Variants in GRK1 observed in about 807,000 individuals in gnomAD.
GRK1 encodes rhodopsin kinase GRK1.
In GRK1, 28 loss-of-function variants were observed where a neutral mutation model predicts 41.7. The observed-to-expected ratio is 0.67, with a 90% CI of 0.50 to 0.92. The LOEUF (loss-of-function observed/expected upper bound fraction) is 0.92. Among genes scored for constraint, GRK1 ranks in the 40% least tolerant of loss-of-function variants. The pLI is 0.00. For synonymous variants in GRK1, 327 were observed against 286.7 expected (o/e 1.14, Z -1.42); for missense variants, 703 against 671.2 (o/e 1.05, Z -0.52).
the GRK1 span, among the ~76,000 whole-genome samples, chr13:113,656,622 A>G: frequency 6.6e-6 from 1 of 152,048 alleles, no homozygotes; most frequent in African/African-American, 2.4e-5. Flanking sequence ...GGTGCAGCTC[A>G]CTCTGCCTCT....
the GRK1 span, chr13:113,650,360 G>A: frequency 3.9e-6 from 6 of 1,549,514 alleles, no homozygotes; most frequent in African/African-American, 1.4e-5. This position sits in a 1 kb window ranked among gnomAD's most constrained non-coding sequence, Gnocchi z 5.0. Context: ...AAGTGTGAGA[G>A]GACTCAGCAG....
chr13:113,655,067 TC>T, the GRK1 span: 1 of 1,335,272 alleles, frequency 7.5e-7, no homozygotes. Context: ...AACATTCTCC[TC>T]CCCCAAAACA....
rs754001408 is a variant in GRK1, at chr13:113,671,456, C to T, written c.828-43C>T. The T allele has an allele frequency of 2.6e-6, 2 of 775,202 alleles. No individual in the cohort carries two copies. Among genetic ancestry groups the T allele is most frequent in the South Asian group, 1.3e-5 (1 of 74,516 alleles). The allele number at this position is 775,202 out of a possible 1,614,324, so 48.0% of individuals were successfully genotyped here. On this transcript the variant is annotated intron_variant, in intron 2 of 6. Transcript: ENST00000335678. This position sits in a 1 kb window ranked among gnomAD's most constrained non-coding sequence, Gnocchi z 4.1. The stretch of plus-strand genomic sequence containing the variant: ...CTCTGTCTTTCCATGATTTTACTCC[C>T]CATTAAACCCGGGGTGCATGGTTCC...
At chr13:113,733,975 T>TGC (rs750777200) in intron 6 of GRK1, among the ~76,000 whole-genome samples, 3 of 117,296 alleles carry the variant, frequency 2.6e-5, no homozygotes, top group Admixed American at 8.3e-5. Context: ...TGTGCGTGTG[T>TGC]GCGCATGTGT....
chr13:113,671,577 C>T lies in GRK1; in HGVS notation c.906C>T (p.Ile302=). The change falls in exon 3 of 7, where the codon ATC becomes ATT. Residue 302 remains isoleucine (I), a synonymous_variant. Coordinates refer to ENST00000335678, the MANE Select transcript of GRK1 (RefSeq NM_002929.3). The surrounding 1 kb of genome is among the most constrained non-coding windows in gnomAD (Gnocchi z 4.1). ...CCCTCTTCTACACGGCGCAGATCAT[C>T]TGCGGCCTGGAGCACCTGCACCAGA... ...PRALFYTAQI[I]CGLEHLHQRR... 1 of 776,774 alleles carries T rather than the reference C, an allele frequency of 1.3e-6. No homozygotes were observed. Among genetic ancestry groups the T allele is most frequent in the Non-Finnish European group, 2.4e-6 (1 of 417,948 alleles). The allele number at this position is 776,774 out of a possible 1,614,324, so 48.1% of individuals were successfully genotyped here. A position where few individuals can be genotyped will look rare whatever the true frequency, so the allele number is the denominator to read the frequency against.
Position 113,667,940 on chromosome 13 carries a change from TG to T in GRK1, c.559del (p.Glu187ArgfsTer10). On this transcript the variant is annotated frameshift_variant, in exon 1 of 7. Coordinates refer to ENST00000335678, the MANE Select transcript of GRK1 (RefSeq NM_002929.3). LOFTEE classifies it high-confidence loss of function. This position sits in a 1 kb window ranked among gnomAD's most constrained non-coding sequence, Gnocchi z 7.5. Reference sequence around the variant, plus strand: ...TGGAAGTGGCTGGAAGCCCAGCCCATGGGGGAGGACTGGTTCCTGGACTTCA... The same window carrying T: ...TGGAAGTGGCTGGAAGCCCAGCCCATGGGGAGGACTGGTTCCTGGACTTCA... ...LQWKWLEAQP[M>X]GEDWFLDFRV... is the part of the protein sequence containing the mutation. 6.2e-7 allele frequency: 1 copy of T among 1,609,608 alleles called. No individual in the cohort carries two copies. The highest frequency in any genetic ancestry group is 1.7e-5 in the Admixed American group (1 of 59,454).
chr13:113,652,735 A>G, the GRK1 span: 1 of 967,228 alleles, frequency 1.0e-6, no homozygotes, highest in South Asian at 1.4e-5. Context: ...AAACCAAGGT[A>G]CAGGGTGGTG....
chr13:113,734,198 C>T (rs1050976661), intron 6 of GRK1, among the ~76,000 whole-genome samples: 6 of 152,172 alleles, frequency 3.9e-5, no homozygotes, highest in African/African-American at 1.4e-4. Flanking sequence ...CACAGGTGAC[C>T]AGGGAGCAGA....
chr13:113,729,121 G>A (rs2049915117), intron 4 of GRK1, among the ~76,000 whole-genome samples: 1 of 152,186 alleles, frequency 6.6e-6, no homozygotes, highest in Non-Finnish European at 1.5e-5. Flanking sequence ...TGTGGGACGA[G>A]GCAGAGAACT....
chr13:113,651,671 C>T, the GRK1 span: 1 of 1,612,462 alleles, frequency 6.2e-7, no homozygotes, highest in Non-Finnish European at 8.5e-7. Flanking sequence ...CCGTACTCAC[C>T]AGGAAGGCGC....
chr13:113,668,729 G>A (rs1230542087), intron 1 of GRK1, among the ~76,000 whole-genome samples: 1 of 152,230 alleles, frequency 6.6e-6, no homozygotes, highest in African/African-American at 2.4e-5. Flanking sequence ...AGGGGCAGCG[G>A]CTGTGCCGGG....
rs57719047 is a variant in GRK1, at chr13:113,669,574, C to T, written c.700-113C>T. ...GAAAGGCGCATTTAAAGCATGTTTG[C>T]GACTGCTCCGTGGCTGTGTGCAGTG... On this transcript the variant is annotated intron_variant, in intron 1 of 6. Transcript: ENST00000335678. The T allele has an allele frequency of 0.15, 194,884 of 1,297,732 alleles. 19,012 individuals are homozygous for T. Among genetic ancestry groups the T allele is most frequent in the African/African-American group, 0.45 (30,676 of 68,804 alleles). The allele number at this position is 1,297,732 out of a possible 1,614,324, so 80.4% of individuals were successfully genotyped here. A position where few individuals can be genotyped will look rare whatever the true frequency, so the allele number is the denominator to read the frequency against.
chr13:113,649,863 T>C, the GRK1 span, among the ~76,000 whole-genome samples: 1 of 152,138 alleles, frequency 6.6e-6, no homozygotes, highest in African/African-American at 2.4e-5. The surrounding 1 kb of genome is among the most constrained non-coding windows in gnomAD (Gnocchi z 4.7). Context: ...TTAGAGGATC[T>C]GGGAAGTAGA....
chr13:113,724,723 G>GA (rs2049879378), intron 4 of GRK1, among the ~76,000 whole-genome samples: 1 of 152,202 alleles, frequency 6.6e-6, no homozygotes, highest in Non-Finnish European at 1.5e-5. Flanking sequence ...CATCCTGGGG[G>GA]ATCCCATGGC....
At position 113,671,236 on chromosome 13, in the gene GRK1, C is replaced by A. The variant is rs2049854634; in HGVS notation, c.828-263C>A. 6.6e-6 allele frequency among the ~76,000 whole-genome samples: 1 copy of A among 152,174 alleles called. No homozygotes were observed. Among genetic ancestry groups the A allele is most frequent in the Admixed American group, 6.5e-5 (1 of 15,292 alleles). ...TGGGCTGTTTCCTAGCACCTGCGGC[C>A]CGCGCTGGAAAGCAGGCGGACAGGA... On this transcript the variant is annotated intron_variant, in intron 2 of 6. Transcript: ENST00000335678. The surrounding 1 kb of genome is among the most constrained non-coding windows in gnomAD (Gnocchi z 4.1).
In GRK1 at chr13:113,734,289, C is replaced by T. The variant is rs139668830; in HGVS notation, c.1397-779C>T. On this transcript the variant is annotated intron_variant, in intron 6 of 6. Transcript: ENST00000335678. ...AGACAGGTGCCCTGGGCAGGCCCAG[C>T]GAGGCAAGGATGGCTGTGGTCAGGG... Among the ~76,000 whole-genome samples, 326 of 152,244 alleles carry T rather than the reference C, an allele frequency of 2.1e-3. 12 individuals carry two copies. The East Asian group carries it at 0.053, about 25-fold the overall frequency.
chr13:113,654,736 C>T, the GRK1 span: 14 of 1,522,162 alleles, frequency 9.2e-6, no homozygotes, highest in Non-Finnish European at 4.4e-6. Flanking sequence ...GGGCACGGGT[C>T]CCCCGGGCGT....
the GRK1 span, among the ~76,000 whole-genome samples, chr13:113,652,121 G>T: frequency 6.6e-6 from 1 of 152,160 alleles, no homozygotes; most frequent in Admixed American, 6.5e-5. Context: ...TGGCCCACCC[G>T]GGCCTTCAGC....
chr13:113,660,131 A>C, the GRK1 span, among the ~76,000 whole-genome samples: 1 of 152,298 alleles, frequency 6.6e-6, no homozygotes, highest in African/African-American at 2.4e-5. Flanking sequence ...CATGCTCTGA[A>C]AACATAGAAC....
Sources: allele counts gnomAD v4.1 joint callset (sites outside exome capture counted in the v4.1 genomes callset), GRCh38; gene constraint gnomAD v4.1.1; non-coding constraint Gnocchi (gnomAD v3.1); transcripts MANE v1.5; gene names NCBI Gene and HGNC (gene_info 2026-07-23, HGNC 2026-07-21).